The following GABPB1 variants were observed in gnomAD, a reference collection of about 807,000 sequenced individuals.
The protein encoded by GABPB1 is GA-binding protein subunit beta-1.
A neutral mutation model predicts 45.9 loss-of-function variants in GABPB1; 15 were observed. The observed-to-expected ratio is 0.33, with a 90% CI of 0.22 to 0.50. The LOEUF (loss-of-function observed/expected upper bound fraction) is 0.50. GABPB1 is among the 20% of genes least tolerant of loss of function. GABPB1 has a pLI of 0.98. For missense variants in GABPB1, 252 were observed against 457.5 expected, an observed-to-expected ratio of 0.55 and a Z score of 4.10; for synonymous variants, 143 against 154.4, an observed-to-expected ratio of 0.93 and a Z score of 0.55.
chr15:50,299,125 A>G (rs2046633868), intron 6 of GABPB1, among the ~76,000 whole-genome samples: 1 of 152,194 alleles, frequency 6.6e-6, no homozygotes, highest in African/African-American at 2.4e-5. Context: ...CAGAGAGAGT[A>G]AGCATTTGAT....
Position 50,286,091 on chromosome 15 carries a change from G to A in GABPB1, c.976C>T (p.Arg326Trp), listed in dbSNP as rs572205184. Residue 326 changes from arginine to tryptophan, a missense_variant, in exon 8 of 9, where the codon CGG (arginine) becomes TGG (tryptophan). Arg to Trp is a moderately radical substitution (Grantham distance 101). Transcript: ENST00000380877. ...KRQCIEIIENRVESAEIEERE... is the reference protein window; with the variant it reads ...KRQCIEIIENWVESAEIEERE... ...ACTTCTATTTCTGCAGATTCCACCC[G>A]GTTTTCAATTATTTCGATACATTGT... is the stretch of plus-strand genomic sequence containing the variant. The A allele has an allele frequency of 7.4e-6, 12 of 1,611,734 alleles. No homozygotes were observed. The South Asian group carries it at 7.7e-5, about 10-fold the overall frequency.
chr15:50,354,493 C>G (rs1399833910), intron 1 of GABPB1: 1 of 448,856 alleles, frequency 2.2e-6, no homozygotes. Context: ...CCGGAGAGCC[C>G]GGCGGGGCCG....
intron 1 of GABPB1, among the ~76,000 whole-genome samples, chr15:50,341,992 C>T (rs2048391013): frequency 1.3e-5 from 2 of 152,144 alleles, no homozygotes; most frequent in Admixed American, 1.3e-4. Flanking sequence ...CCACTTACCC[C>T]TTGGATTTAT....
At chr15:50,346,128 A>G (rs2048569151) in intron 1 of GABPB1, among the ~76,000 whole-genome samples, 1 of 152,240 alleles carries the variant, frequency 6.6e-6, no homozygotes, top group African/African-American at 2.4e-5. Context: ...AATTTACAAA[A>G]TAAGATGAAA....
chr15:50,288,026 C>T (rs543596990), intron 7 of GABPB1, among the ~76,000 whole-genome samples: 4 of 152,244 alleles, frequency 2.6e-5, no homozygotes, highest in East Asian at 1.9e-4. Flanking sequence ...GAAAGGCACA[C>T]GCTCTACAAT....
At chr15:50,330,680 C>G (rs2047918142) in intron 1 of GABPB1, among the ~76,000 whole-genome samples, 1 of 152,186 alleles carries the variant, frequency 6.6e-6, no homozygotes, top group Admixed American at 6.6e-5. Context: ...ATACTTCAAT[C>G]AAAGCCCATT....
In GABPB1 at chr15:50,341,140, C is replaced by A. The variant is rs549267672; in HGVS notation, c.-1+13845G>T. Among the ~76,000 whole-genome samples the A allele has an allele frequency of 1.4e-3, 212 of 151,536 alleles. 3 individuals carry two copies. Among genetic ancestry groups the A allele is most frequent in the African/African-American group, 5.0e-3 (206 of 41,336 alleles). ...ATAAAGTCTTAAATTGTGGTTTGGC[C>A]AAATTTATCAAAATATCTTTCCAAA... On this transcript the variant is annotated intron_variant, in intron 1 of 8. Transcript: ENST00000380877.
chr15:50,293,055 T>C lies in GABPB1; in HGVS notation c.698-3387A>G, dbSNP rs2046404302. Among the ~76,000 whole-genome samples the C allele has an allele frequency of 2.0e-5, 3 of 152,168 alleles. No homozygotes were observed. In the South Asian group the frequency reaches 6.2e-4, roughly 32 times the overall value. Reference sequence around the variant, plus strand: ...CATTAAAAATTATTTCTAAATGGCATGGTTTTTAATGTATTTACACATTAC... The same window carrying C: ...CATTAAAAATTATTTCTAAATGGCACGGTTTTTAATGTATTTACACATTAC... On this transcript the variant is annotated intron_variant, in intron 6 of 8. Transcript: ENST00000380877.
intron 1 of GABPB1, among the ~76,000 whole-genome samples, chr15:50,328,572 T>A (rs948962518): frequency 6.6e-6 from 1 of 152,146 alleles, no homozygotes; most frequent in East Asian, 1.9e-4. Flanking sequence ...AGGAAGCACA[T>A]CTTTTTTGGA....
In GABPB1 at chr15:50,275,506, T is replaced by C. The variant is rs1030596700; in HGVS notation, c.*3126A>G. The stretch of plus-strand genomic sequence containing the variant: ...TATCATAAATGTAAAATGCAATTAA[T>C]ACCCTGATAAACCCATTGTAAAGTC... On this transcript the variant is annotated 3_prime_UTR_variant, in exon 9 of 9. Transcript: ENST00000380877. 2 of 152,226 alleles carry C rather than the reference T, an allele frequency of 1.3e-5. No homozygotes were observed. Among genetic ancestry groups the C allele is most frequent in the African/African-American group, 2.4e-5 (1 of 41,464 alleles). 9.4% of individuals were successfully genotyped at this position (152,226 alleles called of 1,614,324 possible).
At chr15:50,306,042 G>A (rs954247088) in intron 2 of GABPB1, among the ~76,000 whole-genome samples, 8 of 151,752 alleles carry the variant, frequency 5.3e-5, no homozygotes, top group South Asian at 2.1e-4. Flanking sequence ...TGGAGCTATC[G>A]TAGCTCACTG....
chr15:50,282,164 C>T (rs2045996866), intron 8 of GABPB1: 3 of 387,504 alleles, frequency 7.7e-6, no homozygotes, highest in South Asian at 1.9e-5. Flanking sequence ...TGCACCACTG[C>T]ACTCCAGCCT....
intron 6 of GABPB1, among the ~76,000 whole-genome samples, chr15:50,292,923 G>A (rs2046397848): frequency 6.6e-6 from 1 of 151,800 alleles, no homozygotes; most frequent in Admixed American, 6.6e-5. Flanking sequence ...TTAACAGCTG[G>A]TGAATACAGG....
chr15:50,348,090 G>T (rs2048667654), intron 1 of GABPB1, among the ~76,000 whole-genome samples: 1 of 145,360 alleles, frequency 6.9e-6, no homozygotes. Context: ...CATAGTAAAA[G>T]TATCTTATCC....
intron 6 of GABPB1, among the ~76,000 whole-genome samples, chr15:50,294,993 A>G (rs1038125799): frequency 6.6e-6 from 1 of 152,224 alleles, no homozygotes; most frequent in Middle Eastern, 3.2e-3. Context: ...TAAGCAAAGG[A>G]AAGTTGCTAT....
At position 50,334,095 on chromosome 15, in the gene GABPB1, G is replaced by A. The variant is rs139672456; in HGVS notation, c.-1+20890C>T. 2.0e-4 allele frequency among the ~76,000 whole-genome samples: 30 copies of A among 151,766 alleles called. 1 individual carries two copies. The East Asian group carries it at 5.4e-3, about 27-fold the overall frequency. ...TCATCTATTACTCTAATTCTTGCTC[G>A]TTTGATGGTTTTCTTTTTCTCCAGC... is the stretch of plus-strand genomic sequence containing the variant. On this transcript the variant is annotated intron_variant, in intron 1 of 8. Transcript: ENST00000380877.
chr15:50,336,961 C>T (rs534368801), intron 1 of GABPB1, among the ~76,000 whole-genome samples: 69 of 151,028 alleles, frequency 4.6e-4, no homozygotes, highest in African/African-American at 1.6e-3. Context: ...GGGAGGATCA[C>T]TTGAGCCCAA....
intron 6 of GABPB1, among the ~76,000 whole-genome samples, chr15:50,291,301 T>C (rs1177715544): frequency 7.3e-5 from 11 of 151,126 alleles, no homozygotes; most frequent in Non-Finnish European, 1.6e-4. Context: ...GGAATGATAG[T>C]AATGGATTAC....
At chr15:50,344,211 G>A (rs2141168431) in intron 1 of GABPB1, among the ~76,000 whole-genome samples, 1 of 152,296 alleles carries the variant, frequency 6.6e-6, no homozygotes, top group East Asian at 1.9e-4. Flanking sequence ...AAACAGTAAG[G>A]AATAAGGCTG....
Sources: allele counts gnomAD v4.1 joint callset (sites outside exome capture counted in the v4.1 genomes callset), GRCh38; gene constraint gnomAD v4.1.1; transcripts MANE v1.5; gene names NCBI Gene and HGNC (gene_info 2026-07-23, HGNC 2026-07-21).